The following ARL6IP1 variants were observed in gnomAD, a reference collection of about 807,000 sequenced individuals.
The protein encoded by ARL6IP1 is ARL6 interacting reticulophagy regulator 1, also known as ADP-ribosylation factor-like protein 6-interacting protein 1.
A neutral mutation model predicts 30.1 loss-of-function variants in ARL6IP1; 16 were observed. The observed-to-expected ratio is 0.53, with a 90% confidence interval of 0.36 to 0.81. The LOEUF (loss-of-function observed/expected upper bound fraction) is 0.81. Among genes scored for constraint, ARL6IP1 ranks in the 30% least tolerant of loss-of-function variants. ARL6IP1 has a pLI of 0.01. For synonymous variants in ARL6IP1, 72 were observed against 84.8 expected (o/e 0.85, Z 0.83); for missense variants, 173 against 242.7 (o/e 0.71, Z 1.91).
At chr16:18,793,448 T>G (rs1466637776) in intron 5 of ARL6IP1, 78 bp from the exon 6 acceptor site, 10 of 736,406 alleles carry the variant, frequency 1.4e-5, no homozygotes, top group Non-Finnish European at 2.1e-5. Context: ...TTTTTTTTTT[T>G]GAGACAAAGT....
intron 4 of ARL6IP1, 119 bp downstream of exon 4, chr16:18,795,345 A>G: frequency 3.2e-6 from 2 of 630,258 alleles, no homozygotes; most frequent in South Asian, 2.3e-5. Context: ...GTAAACATTT[A>G]TGAATGTACT....
At chr16:18,800,501 G>A (rs539435675) in intron 1 of ARL6IP1, among the ~76,000 whole-genome samples, 7 of 152,320 alleles carry the variant, frequency 4.6e-5, no homozygotes, top group African/African-American at 1.7e-4. Flanking sequence ...TAGAAGGAGC[G>A]TGTGTTTAAA....
chr16:18,798,273 C>CTTT (rs905362128), intron 2 of ARL6IP1: 15 of 394,770 alleles, frequency 3.8e-5, no homozygotes, highest in Middle Eastern at 7.0e-4. Context: ...GTTCTCAGCA[C>CTTT]TTTTTTAAGA....
At chr16:18,795,771 C>T (rs1040120478) in intron 3 of ARL6IP1, among the ~76,000 whole-genome samples, 190 bp from the exon 4 acceptor site, 3 of 151,880 alleles carry the variant, frequency 2.0e-5, no homozygotes, top group African/African-American at 7.3e-5. Context: ...TAAGTATTTA[C>T]ATAAACTATG....
intron 3 of ARL6IP1, among the ~76,000 whole-genome samples, chr16:18,796,205 TATA>T (rs2030226478): frequency 6.6e-6 from 1 of 152,216 alleles, no homozygotes; most frequent in African/African-American, 2.4e-5. Flanking sequence ...CTTTTATATT[TATA>T]ATGTTTTTCT....
chr16:18,799,323 T>C (rs1323318965), intron 1 of ARL6IP1, among the ~76,000 whole-genome samples: 1 of 152,194 alleles, frequency 6.6e-6, no homozygotes, highest in East Asian at 1.9e-4. Context: ...AAATATCCTT[T>C]AATGGTCACT....
chr16:18,797,913 T>C lies in ARL6IP1; in HGVS notation c.290+12A>G. ...CACAAAAATGAGACTGCCAAATCAT[T>C]ATGCTACCTACCATTTATTGGAGCC... On this transcript the variant is annotated intron_variant, in intron 3 of 5. Transcript: ENST00000304414. 6.2e-7 allele frequency: 1 copy of C among 1,606,800 alleles called. No individual in the cohort carries two copies. Among genetic ancestry groups the C allele is most frequent in the Admixed American group, 1.7e-5 (1 of 57,852 alleles).
At chr16:18,794,507 A>G in intron 5 of ARL6IP1, 92 bp downstream of exon 5, 1 of 886,724 alleles carries the variant, frequency 1.1e-6, no homozygotes, top group Non-Finnish European at 1.8e-6. Flanking sequence ...TTCGGTGTCT[A>G]AAACTTAGGA....
At chr16:18,797,743 A>T in intron 3 of ARL6IP1, 182 bp downstream of exon 3, 1 of 681,448 alleles carries the variant, frequency 1.5e-6, no homozygotes, top group Non-Finnish European at 2.4e-6. Flanking sequence ...ACTATGGAGT[A>T]CAGAAAATTC....
intron 5 of ARL6IP1, 61 bp from the exon 6 acceptor site, chr16:18,793,431 C>CTT (rs34143424): frequency 1.6e-3 from 974 of 606,876 alleles, no homozygotes; most frequent in Middle Eastern, 3.0e-3. Context: ...AAGGTTATTA[C>CTT]TTTTTTTTTT....
intron 1 of ARL6IP1, among the ~76,000 whole-genome samples, chr16:18,800,137 A>AT (rs1410188935): frequency 6.6e-6 from 1 of 152,130 alleles, no homozygotes; most frequent in Non-Finnish European, 1.5e-5. Context: ...TGATCTCAAT[A>AT]TTTCTGACTT....
chr16:18,792,941 A>G lies in ARL6IP1; in HGVS notation c.*311T>C, dbSNP rs183387304. 70 of 205,960 alleles carry G rather than the reference A, an allele frequency of 3.4e-4. No homozygotes were observed. The highest frequency in any genetic ancestry group is 5.3e-4 in the Admixed American group (9 of 16,928). 12.8% of individuals were successfully genotyped at this position (205,960 alleles called of 1,614,324 possible). On this transcript the variant is annotated 3_prime_UTR_variant, in exon 6 of 6. Coordinates refer to ENST00000304414, the MANE Select transcript of ARL6IP1 (RefSeq NM_015161.3). ...TATCCAGATTCACTTGAACTGTACT[A>G]AAGGGCAAGGTTCACCACTACAAAA... is the stretch of plus-strand genomic sequence containing the variant.
intron 1 of ARL6IP1, among the ~76,000 whole-genome samples, chr16:18,799,978 G>T (rs867023002): frequency 6.6e-5 from 10 of 152,192 alleles, no homozygotes; most frequent in East Asian, 1.9e-4. Context: ...GGTCGGGGGG[G>T]ATTGCTTGAG....
chr16:18,798,824 G>C lies in ARL6IP1; in HGVS notation c.47C>G (p.Thr16Ser). 6.2e-7 allele frequency: 1 copy of C among 1,613,948 alleles called. No individual in the cohort carries two copies. The change falls in exon 2 of 6, where the codon ACT becomes AGT. Residue 16 changes from threonine (T) to serine (S), a missense_variant. Transcript: ENST00000304414. ...NRSTNLLAAE[T>S]ASLEEQLQGW... is the part of the protein sequence containing the mutation. ...TTGCAGCTGTTCTTCCAGACTTGCA[G>C]TCTCTGCAGCCTAAATACCACCGAC...
intron 1 of ARL6IP1, among the ~76,000 whole-genome samples, chr16:18,799,605 G>A (rs1403217728): frequency 1.3e-5 from 2 of 152,054 alleles, no homozygotes; most frequent in Non-Finnish European, 2.9e-5. Flanking sequence ...AAATCCATTA[G>A]GAAAGACTTT....
chr16:18,801,030 A>G (rs2141875472), intron 1 of ARL6IP1, among the ~76,000 whole-genome samples: 1 of 152,214 alleles, frequency 6.6e-6, no homozygotes, highest in South Asian at 2.1e-4. Flanking sequence ...TTTTAGGGGG[A>G]AAAGAAGGCA....
intron 2 of ARL6IP1, chr16:18,798,379 T>C (rs1036276909): frequency 6.4e-6 from 2 of 314,480 alleles, no homozygotes; most frequent in Non-Finnish European, 1.2e-5. Flanking sequence ...CCATGGCACA[T>C]GTATATATAC....
intron 4 of ARL6IP1, among the ~76,000 whole-genome samples, chr16:18,795,016 CTTTTT>C (rs35734251): frequency 7.5e-5 from 10 of 133,270 alleles, no homozygotes; most frequent in African/African-American, 1.6e-4. Context: ...AGATGCTTTC[CTTTTT>C]TTTTTTTTTT....
At chr16:18,798,562 T>C (rs375084393) in intron 2 of ARL6IP1, 139 bp downstream of exon 2, 1 of 935,282 alleles carries the variant, frequency 1.1e-6, no homozygotes. Context: ...TAGAAGTGCT[T>C]ATGAGAAACA....
Sources: allele counts gnomAD v4.1 joint callset (sites outside exome capture counted in the v4.1 genomes callset), GRCh38; gene constraint gnomAD v4.1.1; transcripts MANE v1.5; gene names NCBI Gene and HGNC (gene_info 2026-07-23, HGNC 2026-07-21).